Variants in UBXN7 observed in about 807,000 individuals in gnomAD.
UBXN7 encodes the protein UBX domain protein 7, also known as UBX domain-containing protein 7.
In UBXN7, 9 loss-of-function variants were observed where a neutral mutation model predicts 58.0. That is an observed-to-expected ratio of 0.16 (90% confidence interval 0.09 to 0.27). UBXN7 has a LOEUF of 0.27. Among genes scored for constraint, UBXN7 ranks in the 10% least tolerant of loss-of-function variants. The pLI is 1.00. For synonymous variants in UBXN7, 208 were observed against 205.0 expected (o/e 1.01, Z -0.12); for missense variants, 328 against 599.6 (o/e 0.55, Z 4.73).
At chr3:196,428,993 A>G (rs1465611564) in intron 1 of UBXN7, among the ~76,000 whole-genome samples, 3 of 145,752 alleles carry the variant, frequency 2.1e-5, no homozygotes, top group Non-Finnish European at 4.5e-5. Context: ...CAACAAAGAG[A>G]GGAGACCTCC....
In UBXN7 at chr3:196,432,400, C is replaced by T; in HGVS notation, c.-1G>A. 2 of 1,590,044 alleles carry T rather than the reference C, an allele frequency of 1.3e-6. No individual in the cohort carries two copies. The highest frequency in any genetic ancestry group is 1.1e-5 in the South Asian group (1 of 89,870). ...CCGCGGAGCCCCCGTGGGCAGCCAT[C>T]TTACCGCCGCCGCCGCCGCCGAACA... On this transcript the variant is annotated 5_prime_UTR_variant, in exon 1 of 11. Transcript: ENST00000296328.
intron 2 of UBXN7, 107 bp downstream of exon 2, chr3:196,407,139 A>G (rs1417017403): frequency 2.0e-6 from 3 of 1,464,260 alleles, no homozygotes; most frequent in Middle Eastern, 1.8e-4. Context: ...AGAGGCTTTC[A>G]GCCTTTCATT....
intron 1 of UBXN7, chr3:196,431,739 T>C (rs1159642661): frequency 8.9e-6 from 4 of 448,904 alleles, no homozygotes; most frequent in South Asian, 3.1e-5. Flanking sequence ...CCCCCGCTTC[T>C]GGCGGCCTGT....
At chr3:196,374,219 A>G (rs1196502518) in intron 5 of UBXN7, among the ~76,000 whole-genome samples, 3 of 152,172 alleles carry the variant, frequency 2.0e-5, no homozygotes, top group Non-Finnish European at 4.4e-5. Context: ...ACAAGAAAAA[A>G]ATGTACAAAA....
intron 1 of UBXN7, chr3:196,416,336 C>T (rs4577498): frequency 0.38 from 56,942 of 151,770 alleles, 11,349 homozygotes; most frequent in East Asian, 0.82. Context: ...GAGGCTGAGG[C>T]GGGAGAATTA....
At position 196,354,618 on chromosome 3, in the gene UBXN7, C is replaced by T. The variant is rs1025209596; in HGVS notation, c.*2067G>A. The T allele has an allele frequency of 1.3e-5, 2 of 152,136 alleles. No homozygotes were observed. The highest frequency in any genetic ancestry group is 1.9e-4 in the East Asian group (1 of 5,198). The allele number at this position is 152,136 out of a possible 1,614,324, so 9.4% of individuals were successfully genotyped here. A position where few individuals can be genotyped will look rare whatever the true frequency, so the allele number is the denominator to read the frequency against. ...AACAAATGTTTTACCCTCCAGTGCA[C>T]CTTTGACAGTATACAGCTCTATTTT... On this transcript the variant is annotated 3_prime_UTR_variant, in exon 11 of 11. Coordinates refer to ENST00000296328, the MANE Select transcript of UBXN7 (RefSeq NM_015562.2).
In UBXN7 at chr3:196,347,977, C is replaced by T. The variant is rs1728125422; in HGVS notation, c.*8708G>A. 6.6e-6 allele frequency: 1 copy of T among 152,030 alleles called. No homozygotes were observed. The highest frequency in any genetic ancestry group is 6.6e-5 in the Admixed American group (1 of 15,252). The allele number at this position is 152,030 out of a possible 1,614,324, so 9.4% of individuals were successfully genotyped here. On this transcript the variant is annotated 3_prime_UTR_variant, in exon 11 of 11. Transcript: ENST00000296328. Reference sequence around the variant, plus strand: ...ATCCCCAACTGACAGCAAGATCCTCCTTCTGGAAATTATTACCTATAGACT... The same window carrying T: ...ATCCCCAACTGACAGCAAGATCCTCTTTCTGGAAATTATTACCTATAGACT...
Position 196,349,216 on chromosome 3 carries a change from G to A in UBXN7, c.*7469C>T, listed in dbSNP as rs992451069. On this transcript the variant is annotated 3_prime_UTR_variant, in exon 11 of 11. Coordinates refer to ENST00000296328, the MANE Select transcript of UBXN7 (RefSeq NM_015562.2). The stretch of plus-strand genomic sequence containing the variant: ...GTTTTCAACAGCCTTTCCAGCTGAA[G>A]GGACGAACCCAGGAAAGTAACAAGG... 1 of 152,174 alleles carries A rather than the reference G, an allele frequency of 6.6e-6. No homozygotes were observed. The highest frequency in any genetic ancestry group is 1.5e-5 in the Non-Finnish European group (1 of 68,048). 9.4% of individuals were successfully genotyped at this position (152,174 alleles called of 1,614,324 possible). A position where few individuals can be genotyped will look rare whatever the true frequency, so the allele number is the denominator to read the frequency against.
intron 1 of UBXN7, chr3:196,431,398 CAGAG>C (rs1307041856): frequency 1.3e-5 from 2 of 152,360 alleles, no homozygotes; most frequent in African/African-American, 4.8e-5. Flanking sequence ...AGAAACAAGA[CAGAG>C]AGAATTCATA....
intron 1 of UBXN7, among the ~76,000 whole-genome samples, chr3:196,427,423 T>C (rs1438214554): frequency 6.6e-6 from 1 of 152,104 alleles, no homozygotes; most frequent in Non-Finnish European, 1.5e-5. Context: ...GTTCACGAGA[T>C]TCTCCTGCCT....
Position 196,356,538 on chromosome 3 carries a change from G to T in UBXN7, c.*147C>A. 2.5e-6 allele frequency: 2 copies of T among 813,026 alleles called. No individual in the cohort carries two copies. Among genetic ancestry groups the T allele is most frequent in the Non-Finnish European group, 3.8e-6 (2 of 527,404 alleles). The allele number at this position is 813,026 out of a possible 1,614,324, so 50.4% of individuals were successfully genotyped here. ...AAGGGGGAGAAAGAGACTGATTATA[G>T]GAGAGATCAAGAAATAAGAGAAGGA... On this transcript the variant is annotated 3_prime_UTR_variant, in exon 11 of 11. Transcript: ENST00000296328.
At chr3:196,394,267 CA>C (rs1729693981) in intron 3 of UBXN7, among the ~76,000 whole-genome samples, 1 of 100,640 alleles carries the variant, frequency 9.9e-6, no homozygotes. Flanking sequence ...GCCTGGGCAA[CA>C]AGAGCGAAAC....
intron 10 of UBXN7, among the ~76,000 whole-genome samples, chr3:196,358,895 A>G (rs1049421092): frequency 6.6e-6 from 1 of 151,458 alleles, no homozygotes. Flanking sequence ...TCCTGGACTC[A>G]AGTGATCCTC....
intron 1 of UBXN7, among the ~76,000 whole-genome samples, chr3:196,415,610 CTAAAAAA>C (rs1169905832): frequency 2.0e-5 from 3 of 150,616 alleles, no homozygotes; most frequent in East Asian, 2.0e-4. Context: ...CCCGTCTCTA[CTAAAAAA>C]TAAAAAATAA....
At chr3:196,411,130 A>T (rs962555857) in intron 1 of UBXN7, among the ~76,000 whole-genome samples, 1 of 152,192 alleles carries the variant, frequency 6.6e-6, no homozygotes, top group Admixed American at 6.5e-5. Context: ...ATATCCATGG[A>T]TATACTACTA....
At chr3:196,411,702 T>A (rs904977758) in intron 1 of UBXN7, among the ~76,000 whole-genome samples, 1 of 151,540 alleles carries the variant, frequency 6.6e-6, no homozygotes, top group Admixed American at 6.6e-5. Flanking sequence ...TCCCAGCTAC[T>A]CGGGAGGCTG....
At position 196,350,595 on chromosome 3, in the gene UBXN7, G is replaced by GTCGCATTCAATAATCCAGCCATGTAAGT. The variant is rs1553847668; in HGVS notation, c.*6089_*6090insACTTACATGGCTGGATTATTGAATGCGA. The GTCGCATTCAATAATCCAGCCATGTAAGT allele has an allele frequency of 1.3e-4, 20 of 151,700 alleles. No homozygotes were observed. Among genetic ancestry groups the GTCGCATTCAATAATCCAGCCATGTAAGT allele is most frequent in the African/African-American group, 4.8e-4 (20 of 41,270 alleles). 9.4% of individuals were successfully genotyped at this position (151,700 alleles called of 1,614,324 possible). ...TTAAAAGATTTCTAATTAAGGGTCT[G>GTCGCATTCAATAATCCAGCCATGTAAGT]TCACTTCACAGGACAACTAGCAAGG... On this transcript the variant is annotated 3_prime_UTR_variant, in exon 11 of 11. Transcript: ENST00000296328.
chr3:196,409,963 G>A (rs969858990), intron 1 of UBXN7, among the ~76,000 whole-genome samples: 10 of 147,692 alleles, frequency 6.8e-5, no homozygotes, highest in East Asian at 1.9e-4. Context: ...TTTTTGAGAC[G>A]GAGTTTCACT....
intron 6 of UBXN7, among the ~76,000 whole-genome samples, chr3:196,371,536 T>C (rs1443995852): frequency 6.6e-6 from 1 of 152,138 alleles, no homozygotes; most frequent in Non-Finnish European, 1.5e-5. Flanking sequence ...GGCTGGAGTG[T>C]AATGGTGTGA....
Sources: gnomAD v4.1 joint callset for allele counts (sites outside exome capture counted in the v4.1 genomes callset) on GRCh38, gnomAD v4.1.1 for gene constraint, MANE v1.5 for transcripts, NCBI Gene and HGNC (gene_info 2026-07-23, HGNC 2026-07-21) for gene names.